CDK19: variants seen among roughly 807,000 people sequenced by gnomAD.
The protein encoded by CDK19 is cyclin dependent kinase 19.
A neutral mutation model predicts 68.3 loss-of-function variants in CDK19; 20 were observed. The observed-to-expected ratio is 0.29, with a 90% confidence interval of 0.21 to 0.43. The LOEUF is 0.43. Ranked by LOEUF, CDK19 falls within the 20% of genes least tolerant of loss-of-function variation. The pLI, the probability that CDK19 is intolerant of heterozygous loss-of-function variation, is 1.00. For missense variants in CDK19, 339 were observed against 623.5 expected, an observed-to-expected ratio of 0.54 and a Z score of 4.86; for synonymous variants, 221 against 222.8, an observed-to-expected ratio of 0.99 and a Z score of 0.07.
chr6:110,796,330 C>T (rs916087904), intron 1 of CDK19, among the ~76,000 whole-genome samples: 3 of 151,618 alleles, frequency 2.0e-5, no homozygotes, highest in African/African-American at 4.9e-5. Context: ...AGTGAGATTC[C>T]GTCAAACAAA....
At chr6:110,643,473 TCA>T (rs1364660232) in intron 4 of CDK19, among the ~76,000 whole-genome samples, 27 of 152,352 alleles carry the variant, frequency 1.8e-4, no homozygotes, top group Admixed American at 1.2e-3. Context: ...TCGTATGTTC[TCA>T]CTTATTTGTG....
chr6:110,709,162 T>C (rs770534064), intron 2 of CDK19, among the ~76,000 whole-genome samples: 4 of 152,246 alleles, frequency 2.6e-5, no homozygotes, highest in Non-Finnish European at 4.4e-5. Flanking sequence ...CTCAAAATAA[T>C]AGGTATTGAT....
intron 1 of CDK19, among the ~76,000 whole-genome samples, chr6:110,770,455 C>T (rs1211873224): frequency 1.3e-5 from 2 of 152,174 alleles, no homozygotes; most frequent in East Asian, 3.9e-4. Flanking sequence ...GAGACTTATT[C>T]ACTACCACAA....
chr6:110,782,592 T>G (rs1384365841), intron 1 of CDK19, among the ~76,000 whole-genome samples: 1 of 152,232 alleles, frequency 6.6e-6, no homozygotes. Context: ...TTATCTCTAG[T>G]GAATGGGATT....
chr6:110,769,390 C>T (rs562440761), intron 1 of CDK19, among the ~76,000 whole-genome samples: 1 of 151,202 alleles, frequency 6.6e-6, no homozygotes, highest in Admixed American at 6.6e-5. Context: ...CATGGTGAAA[C>T]CCTGTCTCTA....
intron 2 of CDK19, among the ~76,000 whole-genome samples, chr6:110,726,909 C>T (rs776028802): frequency 1.6e-4 from 24 of 152,146 alleles, no homozygotes; most frequent in Non-Finnish European, 3.1e-4. Flanking sequence ...ACAAGGTACT[C>T]TCGTATAAAT....
At chr6:110,744,995 G>A (rs1405690207) in intron 2 of CDK19, among the ~76,000 whole-genome samples, 3 of 151,980 alleles carry the variant, frequency 2.0e-5, no homozygotes, top group Admixed American at 6.6e-5. Context: ...TAATGGATAC[G>A]GACAATATAA....
intron 1 of CDK19, among the ~76,000 whole-genome samples, chr6:110,772,141 C>T (rs1031037257): frequency 2.0e-5 from 3 of 152,074 alleles, no homozygotes; most frequent in Non-Finnish European, 4.4e-5. Flanking sequence ...TATATTAGTC[C>T]GTTTTCATGC....
intron 2 of CDK19, among the ~76,000 whole-genome samples, chr6:110,724,715 C>T (rs12191796): frequency 0.034 from 5,142 of 151,838 alleles, 122 homozygotes; most frequent in Middle Eastern, 0.079. Context: ...CAATCAAGTA[C>T]GGTGAATCTT....
At chr6:110,811,016 T>C (rs1383722427) in intron 1 of CDK19, among the ~76,000 whole-genome samples, 1 of 152,166 alleles carries the variant, frequency 6.6e-6, no homozygotes, top group Non-Finnish European at 1.5e-5. Context: ...GCAAGAACTC[T>C]TGAGTTAGAT....
intron 2 of CDK19, among the ~76,000 whole-genome samples, chr6:110,716,872 G>A (rs1277495250): frequency 6.6e-6 from 1 of 152,056 alleles, no homozygotes; most frequent in Admixed American, 6.6e-5. Context: ...AGTGGCTCAC[G>A]CCTAAAATCC....
Position 110,621,332 on chromosome 6 carries a change from T to G in CDK19, c.1149A>C (p.Thr383=). 6.3e-7 allele frequency: 1 copy of G among 1,581,052 alleles called. No homozygotes were observed. Among genetic ancestry groups the G allele is most frequent in the Non-Finnish European group, 8.6e-7 (1 of 1,163,746 alleles). The change falls in exon 12 of 13, where the codon ACA becomes ACC. Residue 383 remains threonine (T), a synonymous_variant. Coordinates refer to ENST00000368911, the MANE Select transcript of CDK19 (RefSeq NM_015076.5). The surrounding 1 kb of genome is among the most constrained non-coding windows in gnomAD (Gnocchi z 5.4). ...QQQQNQHQQP[T]APPQQAAAPP... ...GGGCTGCTGCCTGCTGTGGAGGGGCTGTGGGCTGCTGATGCTGGTTCTGCT... is the reference window on the plus strand; with the variant it reads ...GGGCTGCTGCCTGCTGTGGAGGGGCGGTGGGCTGCTGATGCTGGTTCTGCT...
chr6:110,682,012 A>T (rs1022342668), intron 2 of CDK19, among the ~76,000 whole-genome samples: 2 of 152,238 alleles, frequency 1.3e-5, no homozygotes, highest in South Asian at 2.1e-4. Context: ...GTACTAGACT[A>T]AAAATTCCAG....
chr6:110,712,113 T>G (rs142980182), intron 2 of CDK19, among the ~76,000 whole-genome samples: 1 of 152,368 alleles, frequency 6.6e-6, no homozygotes, highest in Non-Finnish European at 1.5e-5. Flanking sequence ...ATGTAGGCCA[T>G]TAACAGACAG....
chr6:110,658,702 C>T (rs887979470), intron 4 of CDK19, among the ~76,000 whole-genome samples: 12 of 152,052 alleles, frequency 7.9e-5, no homozygotes, highest in Admixed American at 7.9e-4. Context: ...AAAACACAGC[C>T]TACTTTTTTT....
chr6:110,797,984 C>CAA (rs56710819), intron 1 of CDK19, among the ~76,000 whole-genome samples: 34 of 87,158 alleles, frequency 3.9e-4, no homozygotes, highest in Non-Finnish European at 4.9e-4. Context: ...GACTCCGTCT[C>CAA]AAAAAAAAAA....
chr6:110,806,306 C>A (rs1355695137), intron 1 of CDK19, among the ~76,000 whole-genome samples: 2 of 146,390 alleles, frequency 1.4e-5, no homozygotes, highest in Non-Finnish European at 3.0e-5. Flanking sequence ...TGCCATCACA[C>A]AACAGCCTGG....
chr6:110,761,307 G>A (rs998566342), intron 1 of CDK19, among the ~76,000 whole-genome samples: 6 of 152,120 alleles, frequency 3.9e-5, no homozygotes, highest in Non-Finnish European at 8.8e-5. Context: ...CTGGTTAAGA[G>A]GCCTTTGCAA....
intron 1 of CDK19, chr6:110,813,029 C>T (rs1562309121): frequency 1.3e-5 from 2 of 148,602 alleles, no homozygotes; most frequent in Admixed American, 6.7e-5. Context: ...TAAACTAATG[C>T]TTTCAGATCC....
Sources: gnomAD v4.1 joint callset for allele counts (sites outside exome capture counted in the v4.1 genomes callset) on GRCh38, gnomAD v4.1.1 for gene constraint, Gnocchi (gnomAD v3.1) non-coding constraint, MANE v1.5 for transcripts, NCBI Gene and HGNC (gene_info 2026-07-23, HGNC 2026-07-21) for gene names.